Variants in NRXN1 observed in about 807,000 individuals in gnomAD.
The protein encoded by NRXN1 is neurexin 1, also known as neurexin-1.
A neutral mutation model predicts 150.9 loss-of-function variants in NRXN1; 39 were observed. The ratio of observed to expected loss-of-function variants is 0.26; its 90% CI spans 0.20 to 0.34. The LOEUF is 0.34. Among genes scored for constraint, NRXN1 ranks in the 10% least tolerant of loss-of-function variants. The pLI is 1.00. For synonymous variants in NRXN1, 924 were observed against 757.0 expected (o/e 1.22, Z -3.62); for missense variants, 1,815 against 1,949.9 (o/e 0.93, Z 1.30).
chr2:50,072,116 C>T (rs1354861011), intron 19 of NRXN1, among the ~76,000 whole-genome samples: 2 of 151,954 alleles, frequency 1.3e-5, no homozygotes, highest in Non-Finnish European at 2.9e-5. Context: ...ACTACTTAAC[C>T]TCTCATACCA....
chr2:51,013,891 T>C (rs947751929), intron 2 of NRXN1, among the ~76,000 whole-genome samples: 5 of 152,098 alleles, frequency 3.3e-5, no homozygotes, highest in Non-Finnish European at 7.4e-5. Context: ...CTTTTTTCTG[T>C]TTGTCAGCTC....
intron 21 of NRXN1, among the ~76,000 whole-genome samples, chr2:50,004,087 G>C (rs548256275): frequency 2.6e-5 from 4 of 152,056 alleles, no homozygotes; most frequent in Non-Finnish European, 4.4e-5. Context: ...TGAGTAAAAA[G>C]TTTACATTGG....
intron 18 of NRXN1, among the ~76,000 whole-genome samples, chr2:50,192,926 G>A (rs1029937074): frequency 2.0e-5 from 3 of 152,128 alleles, no homozygotes; most frequent in East Asian, 1.9e-4. Context: ...GGAAGAATAC[G>A]TAATAATTGT....
rs535811386 is a variant in NRXN1 at position 50,974,592 on chromosome 2, T to G, written c.773-48637A>C. ...CTCATCATAGATACCCAAGATTTCCTGTTCTGAACAAGTCAGCTCTTTATA... is the reference window on the plus strand; with the variant it reads ...CTCATCATAGATACCCAAGATTTCCGGTTCTGAACAAGTCAGCTCTTTATA... On this transcript the variant is annotated intron_variant, in intron 2 of 22. Transcript: ENST00000401669. Among the ~76,000 whole-genome samples the G allele has an allele frequency of 1.9e-3, 290 of 152,258 alleles. 1 individual carries two copies. The highest frequency in any genetic ancestry group is 0.012 in the South Asian group (59 of 4,826).
intron 5 of NRXN1, chr2:50,918,289 C>G (rs1253660485): frequency 2.6e-5 from 5 of 190,938 alleles, no homozygotes; most frequent in Non-Finnish European, 5.3e-5. Context: ...AAACCACCGC[C>G]CCCAAACAAA....
chr2:50,339,104 C>A (rs142869303), intron 17 of NRXN1, among the ~76,000 whole-genome samples: 7 of 152,072 alleles, frequency 4.6e-5, no homozygotes, highest in South Asian at 4.2e-4. Context: ...CCCAGATAAT[C>A]AAAAAAACCA....
chr2:50,448,614 T>C (rs956804781), intron 17 of NRXN1, among the ~76,000 whole-genome samples: 1 of 152,212 alleles, frequency 6.6e-6, no homozygotes, highest in Admixed American at 6.5e-5. Flanking sequence ...TATGACACTT[T>C]TTACTAAACT....
At chr2:50,711,179 C>G (rs1695089202) in intron 5 of NRXN1, among the ~76,000 whole-genome samples, 1 of 152,104 alleles carries the variant, frequency 6.6e-6, no homozygotes, top group African/African-American at 2.4e-5. Flanking sequence ...AAACCAGTGG[C>G]TGTCAGTTTT....
chr2:50,894,056 A>T (rs897368391), intron 5 of NRXN1, among the ~76,000 whole-genome samples: 27 of 151,744 alleles, frequency 1.8e-4, no homozygotes, highest in Non-Finnish European at 3.5e-4. Flanking sequence ...AATGCCACAC[A>T]GGAAGGGGAA....
intron 5 of NRXN1, among the ~76,000 whole-genome samples, chr2:50,695,828 C>G (rs1416392902): frequency 6.8e-6 from 1 of 148,082 alleles, no homozygotes; most frequent in Non-Finnish European, 1.5e-5. Context: ...TAAGCCTAAC[C>G]AGAGTGACTC....
chr2:50,203,168 A>T (rs1034465212), intron 18 of NRXN1, among the ~76,000 whole-genome samples: 2 of 152,200 alleles, frequency 1.3e-5, no homozygotes, highest in African/African-American at 4.8e-5. Context: ...GTCATAATTC[A>T]GTTCTTGGGG....
rs577335932 is a variant in NRXN1 at position 50,177,171 on chromosome 2, C to T, written c.3546+59618G>A. 9.9e-5 allele frequency among the ~76,000 whole-genome samples: 15 copies of T among 152,114 alleles called. No homozygotes were observed. The East Asian group carries it at 2.5e-3, about 26-fold the overall frequency. On this transcript the variant is annotated intron_variant, in intron 18 of 22. Transcript: ENST00000401669. Reference sequence around the variant, plus strand: ...TACATGGATATTACTTGTGTAATAGCGGGGATTGGGTTTCTTGTGCACCCA... The same window carrying T: ...TACATGGATATTACTTGTGTAATAGTGGGGATTGGGTTTCTTGTGCACCCA...
intron 18 of NRXN1, among the ~76,000 whole-genome samples, chr2:50,198,447 C>T (rs960192620): frequency 6.6e-6 from 1 of 152,076 alleles, no homozygotes; most frequent in African/African-American, 2.4e-5. Flanking sequence ...CCCACACTTC[C>T]TTCGTATTTT....
chr2:50,529,662 A>G (rs2041868), intron 11 of NRXN1, among the ~76,000 whole-genome samples: 128,819 of 152,146 alleles, frequency 0.85, 54,714 homozygotes, highest in South Asian at 0.89. Flanking sequence ...GCAAACAGCC[A>G]AGGACCAGCA....
At chr2:50,750,764 T>C (rs1029585472) in intron 5 of NRXN1, among the ~76,000 whole-genome samples, 1 of 152,066 alleles carries the variant, frequency 6.6e-6, no homozygotes, top group Non-Finnish European at 1.5e-5. Context: ...GAAGTGGTTG[T>C]AGATTTCCTT....
At chr2:49,960,523 T>C (rs920968179) in intron 21 of NRXN1, among the ~76,000 whole-genome samples, 1 of 152,182 alleles carries the variant, frequency 6.6e-6, no homozygotes, top group Non-Finnish European at 1.5e-5. Flanking sequence ...CACATTAATT[T>C]CCTCATTCAA....
At chr2:50,387,963 G>A (rs560945061) in intron 17 of NRXN1, among the ~76,000 whole-genome samples, 13 of 152,272 alleles carry the variant, frequency 8.5e-5, no homozygotes, top group Admixed American at 2.0e-4. Context: ...ACTGAAAGAT[G>A]ATTAGATAAT....
chr2:50,304,659 AT>A (rs1277462287), intron 17 of NRXN1, among the ~76,000 whole-genome samples: 1 of 150,050 alleles, frequency 6.7e-6, no homozygotes, highest in Non-Finnish European at 1.5e-5. Context: ...ATTAAAGTCT[AT>A]TTTTTGTTCC....
intron 8 of NRXN1, among the ~76,000 whole-genome samples, chr2:50,615,147 A>C (rs916161736): frequency 2.0e-5 from 3 of 152,136 alleles, no homozygotes; most frequent in African/African-American, 7.2e-5. Context: ...GAGCCGATCT[A>C]ATTAGGTTGA....
Sources: allele counts gnomAD v4.1 joint callset (sites outside exome capture counted in the v4.1 genomes callset), GRCh38; gene constraint gnomAD v4.1.1; transcripts MANE v1.5; gene names NCBI Gene and HGNC (gene_info 2026-07-23, HGNC 2026-07-21).